The following ISY1 variants were observed in gnomAD, a reference collection of about 807,000 sequenced individuals.
ISY1 encodes the protein pre-mRNA-splicing factor ISY1 homolog.
ISY1 carries 12 observed loss-of-function variants against 54.4 expected under a neutral mutation model. The observed-to-expected ratio is 0.22, with a 90% confidence interval of 0.14 to 0.36. The LOEUF is 0.36. Ranked by LOEUF, ISY1 falls within the 10% of genes least tolerant of loss-of-function variation. The probability of loss-of-function intolerance (pLI) is 1.00; values close to 1 mark genes in which losing one functional copy is unlikely to be tolerated. For synonymous variants in ISY1, 96 were observed against 117.9 expected (o/e 0.81, Z 1.20); for missense variants, 282 against 342.2 (o/e 0.82, Z 1.39).
At chr3:129,130,234 C>A (rs771691039) in intron 10 of ISY1, 46 bp from the exon 11 acceptor site, 2 of 1,540,032 alleles carry the variant, frequency 1.3e-6, no homozygotes, top group Admixed American at 2.2e-5. Context: ...CAAAGCCCCT[C>A]AACCCCTGCC....
chr3:129,147,607 C>G (rs1936808437), intron 5 of ISY1, among the ~76,000 whole-genome samples: 1 of 152,072 alleles, frequency 6.6e-6, no homozygotes. Flanking sequence ...ACAAGAATCA[C>G]AAGTTTTATT....
chr3:129,147,315 T>G (rs1576883864), intron 5 of ISY1, among the ~76,000 whole-genome samples: 1 of 151,932 alleles, frequency 6.6e-6, no homozygotes, highest in East Asian at 1.9e-4. Context: ...AGGCAGAGGT[T>G]GCACTGAGCC....
At chr3:129,137,753 A>G (rs529753888) in intron 7 of ISY1, among the ~76,000 whole-genome samples, 19 of 151,294 alleles carry the variant, frequency 1.3e-4, no homozygotes, top group Admixed American at 1.2e-3. Flanking sequence ...TACTAAAAAA[A>G]TACAAAAACT....
At chr3:129,159,104 T>C in intron 2 of ISY1, 50 bp downstream of exon 2, 3 of 1,596,244 alleles carry the variant, frequency 1.9e-6, no homozygotes, top group South Asian at 2.3e-5. Context: ...AGTTACATGG[T>C]GGTTTTTAAG....
chr3:129,131,056 A>G (rs1371634558), intron 9 of ISY1, among the ~76,000 whole-genome samples: 1 of 152,240 alleles, frequency 6.6e-6, no homozygotes, highest in Non-Finnish European at 1.5e-5. Context: ...CAAATTTCTA[A>G]TAACAAAGAA....
intron 6 of ISY1, chr3:129,144,205 TAC>T (rs1384793528): frequency 1.2e-5 from 5 of 404,736 alleles, no homozygotes; most frequent in South Asian, 7.3e-5. Context: ...ATCGGAATGA[TAC>T]AGAGAAGATT....
intron 7 of ISY1, among the ~76,000 whole-genome samples, chr3:129,135,570 C>A (rs565077612): frequency 8.6e-5 from 13 of 151,810 alleles, no homozygotes; most frequent in African/African-American, 2.9e-4. Flanking sequence ...TCAAGACCAG[C>A]GTGGCCAATA....
At position 129,135,756 on chromosome 3, in the gene ISY1, A is replaced by G. The variant is rs1427606818; in HGVS notation, c.419-802T>C. Among the ~76,000 whole-genome samples the G allele has an allele frequency of 5.3e-5, 8 of 150,100 alleles. No homozygotes were observed. In the South Asian group the frequency reaches 1.7e-3, roughly 32 times the overall value. On this transcript the variant is annotated intron_variant, in intron 7 of 10. Transcript: ENST00000393295. Reference sequence around the variant, plus strand: ...ACTGCAGCCTGGGCGACAGAGCGAGACTCCATCTCAAAAAAAAAAAAACAA... The same window carrying G: ...ACTGCAGCCTGGGCGACAGAGCGAGGCTCCATCTCAAAAAAAAAAAAACAA...
intron 1 of ISY1, among the ~76,000 whole-genome samples, 163 bp downstream of exon 1, chr3:129,160,810 C>T (rs1006196907): frequency 7.9e-5 from 12 of 152,180 alleles, no homozygotes; most frequent in African/African-American, 2.9e-4. Context: ...CAATTTGTGA[C>T]AGCTAATGGA....
intron 5 of ISY1, among the ~76,000 whole-genome samples, chr3:129,151,931 G>A (rs774432102): frequency 3.3e-5 from 5 of 152,122 alleles, no homozygotes; most frequent in African/African-American, 7.2e-5. Context: ...GGCCAAGGTG[G>A]GTGGATCACC....
intron 9 of ISY1, among the ~76,000 whole-genome samples, chr3:129,131,124 T>C (rs1481733206): frequency 6.6e-6 from 1 of 152,214 alleles, no homozygotes; most frequent in African/African-American, 2.4e-5. Context: ...AGTCCACTGT[T>C]TGCTGGGCTC....
intron 6 of ISY1, among the ~76,000 whole-genome samples, chr3:129,141,186 G>C: frequency 8.0e-6 from 1 of 125,328 alleles, no homozygotes; most frequent in East Asian, 2.4e-4. Context: ...GCCAGGGCTG[G>C]AGTAAATTAA....
intron 7 of ISY1, among the ~76,000 whole-genome samples, chr3:129,139,060 G>A (rs1387134989): frequency 6.6e-6 from 1 of 151,706 alleles, no homozygotes; most frequent in Non-Finnish European, 1.5e-5. Context: ...TCAGCCTCCT[G>A]AGTAGCTGGG....
At chr3:129,140,118 T>A (rs1409983361) in intron 7 of ISY1, among the ~76,000 whole-genome samples, 1 of 152,216 alleles carries the variant, frequency 6.6e-6, no homozygotes, top group Non-Finnish European at 1.5e-5. Context: ...ACTGACAGAT[T>A]AGCACCTGCC....
rs1037034781 is a variant in ISY1 at position 129,129,009 on chromosome 3, GT to G, written c.*1071del. 2 of 152,278 alleles carry G rather than the reference GT, an allele frequency of 1.3e-5. No homozygotes were observed. Among genetic ancestry groups the G allele is most frequent in the African/African-American group, 4.8e-5 (2 of 41,432 alleles). 9.4% of individuals were successfully genotyped at this position (152,278 alleles called of 1,614,324 possible). The stretch of plus-strand genomic sequence containing the variant: ...GCTGTGGCCACGGACGCCATGGTGG[GT>G]CGGCTCACTCCCACCTAGACTCCTG... On this transcript the variant is annotated 3_prime_UTR_variant, in exon 11 of 11. Transcript: ENST00000393295.
chr3:129,134,900 T>G lies in ISY1; in HGVS notation c.473A>C (p.Glu158Ala). Residue 158 changes from glutamate to alanine, a missense_variant, in exon 8 of 11, where the codon GAG becomes GCG. Transcript: ENST00000393295. ...ATCTTCATCTAGGTAACCATAGTAC[T>G]CAAAATCGATTGCCTTCATGAGCTC... ...RAELMKAIDFEYYGYLDEDDG... is the reference protein window; with the variant it reads ...RAELMKAIDFAYYGYLDEDDG... 3 of 1,611,722 alleles carry G rather than the reference T, an allele frequency of 1.9e-6. No homozygotes were observed. Among genetic ancestry groups the G allele is most frequent in the Non-Finnish European group, 2.5e-6 (3 of 1,178,340 alleles).
intron 5 of ISY1, among the ~76,000 whole-genome samples, chr3:129,148,126 G>A (rs796700767): frequency 5.9e-5 from 9 of 152,196 alleles, no homozygotes; most frequent in African/African-American, 2.2e-4. Flanking sequence ...ACGGTGCCTA[G>A]CCTATATGTT....
intron 5 of ISY1, among the ~76,000 whole-genome samples, chr3:129,147,319 C>A (rs1259811291): frequency 6.8e-6 from 1 of 146,776 alleles, no homozygotes; most frequent in East Asian, 2.1e-4. Flanking sequence ...AGAGGTTGCA[C>A]TGAGCCAAGA....
chr3:129,143,478 C>G (rs1483468380), intron 6 of ISY1, among the ~76,000 whole-genome samples: 1 of 150,796 alleles, frequency 6.6e-6, no homozygotes, highest in African/African-American at 2.4e-5. Flanking sequence ...TGCACTCCAG[C>G]CTGGGTGATG....
Sources: gnomAD v4.1 joint callset for allele counts (sites outside exome capture counted in the v4.1 genomes callset) on GRCh38, gnomAD v4.1.1 for gene constraint, MANE v1.5 for transcripts, NCBI Gene and HGNC (gene_info 2026-07-23, HGNC 2026-07-21) for gene names.